The following CNOT1 variants were observed in gnomAD, a reference collection of about 807,000 sequenced individuals.
CNOT1 encodes CCR4-associated factor 1.
CNOT1 carries 15 observed loss-of-function variants against 273.8 expected under a neutral mutation model. The ratio of observed to expected loss-of-function variants is 0.05; its 90% CI spans 0.04 to 0.08. The LOEUF is 0.08. Among genes scored for constraint, CNOT1 ranks in the 10% least tolerant of loss-of-function variants. CNOT1 has a pLI of 1.00. For missense variants in CNOT1, 1,644 were observed against 2,912.2 expected, an observed-to-expected ratio of 0.56 and a Z score of 10.02; for synonymous variants, 1,022 against 1,005.5, an observed-to-expected ratio of 1.02 and a Z score of -0.31.
At chr16:58,528,414 T>TA (rs1340333484) in intron 44 of CNOT1, 61 bp downstream of exon 44, 15 of 1,199,846 alleles carry the variant, frequency 1.3e-5, no homozygotes, top group Non-Finnish European at 1.8e-5. Flanking sequence ...ACAGTCTACT[T>TA]ATCAGAGAAA....
chr16:58,527,992 A>T, intron 44 of CNOT1: 1 of 349,016 alleles, frequency 2.9e-6, no homozygotes, highest in Admixed American at 3.9e-5. Context: ...GAGTGCCTGT[A>T]ATCCCAGCTA....
At chr16:58,600,797 T>A (rs988256952) in intron 1 of CNOT1, among the ~76,000 whole-genome samples, 21 of 152,170 alleles carry the variant, frequency 1.4e-4, no homozygotes, top group Non-Finnish European at 2.2e-4. Flanking sequence ...CTATTCTGTA[T>A]AGAAAAGACA....
rs919684431 is a variant in CNOT1 at position 58,578,884 on chromosome 16, C to T, written c.1399G>A (p.Glu467Lys). The T allele has an allele frequency of 6.2e-7, 1 of 1,614,142 alleles. No individual in the cohort carries two copies. The highest frequency in any genetic ancestry group is 1.1e-5 in the South Asian group (1 of 91,080). Reference sequence around the variant, plus strand: ...AAGCTGAAGAGCTGTTTGACTTGCTCATACTGCCCAACCTCTGCAAGCCTC... The same window carrying T: ...AAGCTGAAGAGCTGTTTGACTTGCTTATACTGCCCAACCTCTGCAAGCCTC... ...LLRLAEVGQY[E>K]QVKQLFSFPI... The change falls in exon 13 of 49, where the codon GAG becomes AAG. Residue 467 changes from glutamate to lysine, a missense_variant. Physicochemically the swap from Glu to Lys is moderately conservative, Grantham distance 56. Transcript: ENST00000317147.
chr16:58,628,731 G>A (rs1368615656), intron 1 of CNOT1, among the ~76,000 whole-genome samples: 1 of 152,090 alleles, frequency 6.6e-6, no homozygotes, highest in Admixed American at 6.6e-5. Flanking sequence ...TGTGACATTT[G>A]ATTAACTTCA....
Position 58,578,724 on chromosome 16 carries a change from A to G in CNOT1, c.1559T>C (p.Ile520Thr). Reference sequence around the variant, plus strand: ...CTGCCCATGCCATGCATAGTGCAAAATAATAGCTGAGTTAGGATGGTTTCC... The same window carrying G: ...CTGCCCATGCCATGCATAGTGCAAAGTAATAGCTGAGTTAGGATGGTTTCC... ...FLGNHPNSAI[I>T]LHYAWHGQGQ... Residue 520 changes from isoleucine (I) to threonine (T), a missense_variant, in exon 13 of 49, where the codon ATT becomes ACT. Around this residue, in one of 13 missense-constraint regions of CNOT1, gnomAD observed 706 missense variants for 1,021.2 expected, o/e 0.69. Transcript: ENST00000317147. 1 of 1,614,196 alleles carries G rather than the reference A, an allele frequency of 6.2e-7. No homozygotes were observed. Among genetic ancestry groups the G allele is most frequent in the Non-Finnish European group, 8.5e-7 (1 of 1,180,034 alleles).
At chr16:58,526,205 A>G (rs2039574834) in intron 44 of CNOT1, 67 bp from the exon 45 acceptor site, 5 of 1,560,624 alleles carry the variant, frequency 3.2e-6, no homozygotes, top group Non-Finnish European at 4.4e-6. Flanking sequence ...ATCTATGCTT[A>G]AGTGGTGGGA....
At chr16:58,627,045 G>C (rs2043613478) in intron 1 of CNOT1, among the ~76,000 whole-genome samples, 1 of 151,908 alleles carries the variant, frequency 6.6e-6, no homozygotes, top group Non-Finnish European at 1.5e-5. Context: ...CTCTGGTATT[G>C]GGTACCAAAG....
intron 2 of CNOT1, among the ~76,000 whole-genome samples, chr16:58,593,134 A>G (rs1327704357): frequency 6.6e-6 from 1 of 152,204 alleles, no homozygotes; most frequent in African/African-American, 2.4e-5. Flanking sequence ...TTAAGAATAC[A>G]TATTTCGGCC....
intron 16 of CNOT1, among the ~76,000 whole-genome samples, chr16:58,568,640 A>G (rs1389286932): frequency 6.6e-6 from 1 of 152,006 alleles, no homozygotes; most frequent in Non-Finnish European, 1.5e-5. Flanking sequence ...AGATCGTGCC[A>G]CTGCACTCCA....
At chr16:58,592,700 C>T (rs931025870) in intron 2 of CNOT1, among the ~76,000 whole-genome samples, 7 of 152,130 alleles carry the variant, frequency 4.6e-5, no homozygotes, top group Middle Eastern at 6.8e-3. Context: ...TGTTTAGGAC[C>T]GACAAATGCC....
intron 13 of CNOT1, among the ~76,000 whole-genome samples, chr16:58,577,655 A>G (rs1291338465): frequency 6.6e-6 from 1 of 152,146 alleles, no homozygotes; most frequent in Non-Finnish European, 1.5e-5. Context: ...CTTGGGAAAC[A>G]GGGCAAGACT....
intron 1 of CNOT1, among the ~76,000 whole-genome samples, chr16:58,605,965 T>C (rs1228547831): frequency 6.6e-6 from 1 of 152,168 alleles, no homozygotes; most frequent in African/African-American, 2.4e-5. Context: ...CAAATTACCT[T>C]GTTTCCCTAG....
intron 21 of CNOT1, 141 bp downstream of exon 21, chr16:58,555,110 A>G (rs970139702): frequency 6.6e-6 from 8 of 1,219,996 alleles, no homozygotes; most frequent in Non-Finnish European, 9.0e-6. Flanking sequence ...CAGGAGGCTG[A>G]AGTGGGAGAA....
chr16:58,543,943 A>C (rs759637692), intron 30 of CNOT1, 40 bp from the exon 31 acceptor site: 1 of 1,542,666 alleles, frequency 6.5e-7, no homozygotes. Flanking sequence ...CCTTGTTTAA[A>C]TAAGACAATC....
chr16:58,567,892 T>C (rs1210603352), intron 16 of CNOT1, among the ~76,000 whole-genome samples: 2 of 152,218 alleles, frequency 1.3e-5, no homozygotes, highest in African/African-American at 2.4e-5. Flanking sequence ...TTCATCTGTA[T>C]AGGGAGTCTG....
chr16:58,549,568 A>T, intron 25 of CNOT1, 151 bp downstream of exon 25: 1 of 1,229,942 alleles, frequency 8.1e-7, no homozygotes, highest in Non-Finnish European at 1.1e-6. Context: ...CATAAAATTT[A>T]GTTCCATATA....
At chr16:58,585,532 G>A (rs2041805368) in intron 7 of CNOT1, 26 bp from the exon 8 acceptor site, 1 of 1,595,472 alleles carries the variant, frequency 6.3e-7, no homozygotes, top group Non-Finnish European at 8.5e-7. Flanking sequence ...GGTTACAACT[G>A]CTATACTAAT....
intron 1 of CNOT1, among the ~76,000 whole-genome samples, chr16:58,625,443 C>A (rs751507172): frequency 9.9e-5 from 15 of 151,964 alleles, no homozygotes; most frequent in Admixed American, 7.9e-4. Flanking sequence ...ACCCAGGAGC[C>A]GGAGGTTGCA....
intron 47 of CNOT1, among the ~76,000 whole-genome samples, chr16:58,521,717 C>T (rs140667031): frequency 0.013 from 1,962 of 152,160 alleles, 44 homozygotes; most frequent in African/African-American, 0.046. Flanking sequence ...TTTGGGAGGC[C>T]GAGGCAGGTG....
Sources: allele counts gnomAD v4.1 joint callset (sites outside exome capture counted in the v4.1 genomes callset), GRCh38; gene constraint gnomAD v4.1.1; regional missense constraint gnomAD v4.1.1; transcripts MANE v1.5; gene names NCBI Gene and HGNC (gene_info 2026-07-23, HGNC 2026-07-21).